Variants in KLF12 observed in about 807,000 individuals in gnomAD.
The protein encoded by KLF12 is Krueppel-like factor 12.
Under a neutral mutation model 37.8 loss-of-function variants are expected in KLF12, and 9 were observed. The ratio of observed to expected loss-of-function variants is 0.24; its 90% CI spans 0.14 to 0.42. The LOEUF (loss-of-function observed/expected upper bound fraction) is 0.42, where lower values mean the gene tolerates loss of function less well. Among genes scored for constraint, KLF12 ranks in the 10% least tolerant of loss-of-function variants. KLF12 has a pLI of 1.00. For synonymous variants in KLF12, 208 were observed against 202.1 expected (o/e 1.03, Z -0.25); for missense variants, 411 against 516.0 (o/e 0.80, Z 1.97).
chr13:73,794,610 T>C (rs1175342817), intron 5 of KLF12, among the ~76,000 whole-genome samples: 2 of 152,226 alleles, frequency 1.3e-5, no homozygotes. Context: ...GCCTGTTATC[T>C]GACAATATTC....
chr13:73,714,542 G>A (rs183730736), intron 7 of KLF12, among the ~76,000 whole-genome samples: 242 of 152,202 alleles, frequency 1.6e-3, no homozygotes, highest in African/African-American at 5.1e-3. Flanking sequence ...CTGCTCTATC[G>A]GCTTCTTTGG....
the KLF12 span, among the ~76,000 whole-genome samples, chr13:74,195,037 A>G: frequency 6.6e-6 from 1 of 152,192 alleles, no homozygotes; most frequent in African/African-American, 2.4e-5. Flanking sequence ...CGCGGAAAGC[A>G]GACTGAACAG....
chr13:74,010,450 T>C (rs931140460), intron 1 of KLF12, among the ~76,000 whole-genome samples: 2 of 152,166 alleles, frequency 1.3e-5, no homozygotes, highest in African/African-American at 4.8e-5. Flanking sequence ...TGTGGCATGC[T>C]ACACCCTACA....
At chr13:73,773,058 T>C (rs1880370678) in intron 5 of KLF12, among the ~76,000 whole-genome samples, 3 of 152,184 alleles carry the variant, frequency 2.0e-5, no homozygotes, top group Non-Finnish European at 4.4e-5. Context: ...AGGAGGATCA[T>C]GTTTCTGGAT....
At chr13:74,188,335 T>A in the KLF12 span, among the ~76,000 whole-genome samples, 1 of 152,178 alleles carries the variant, frequency 6.6e-6, no homozygotes, top group Non-Finnish European at 1.5e-5. Flanking sequence ...TTATGTCACC[T>A]AGGCTGTACA....
intron 2 of KLF12, among the ~76,000 whole-genome samples, chr13:73,968,814 T>A (rs184791506): frequency 4.6e-5 from 7 of 152,202 alleles, no homozygotes; most frequent in Middle Eastern, 6.8e-3. Context: ...CAAGTCCACT[T>A]CTCTTCTCCC....
chr13:74,157,471 G>T, the KLF12 span, among the ~76,000 whole-genome samples: 3 of 152,178 alleles, frequency 2.0e-5, no homozygotes, highest in Non-Finnish European at 4.4e-5. Context: ...AGACTTAACG[G>T]TTTAACTTTG....
At chr13:73,805,160 T>C (rs536741590) in intron 5 of KLF12, among the ~76,000 whole-genome samples, 34 of 152,300 alleles carry the variant, frequency 2.2e-4, no homozygotes, top group African/African-American at 7.9e-4. Flanking sequence ...AATAGTAAAG[T>C]TTATCCAAAA....
intron 1 of KLF12, among the ~76,000 whole-genome samples, chr13:74,015,765 G>C (rs1892672639): frequency 6.6e-6 from 1 of 152,114 alleles, no homozygotes; most frequent in Non-Finnish European, 1.5e-5. Flanking sequence ...TTCTTCCCAA[G>C]GTAGGTCTTA....
chr13:73,971,468 C>T (rs1891336876), intron 2 of KLF12, among the ~76,000 whole-genome samples: 2 of 152,058 alleles, frequency 1.3e-5, no homozygotes, highest in South Asian at 2.1e-4. Context: ...TAATTTATTT[C>T]GGCTATATCA....
chr13:74,072,030 A>C (rs960826225), intron 1 of KLF12, among the ~76,000 whole-genome samples: 2 of 152,120 alleles, frequency 1.3e-5, no homozygotes, highest in Non-Finnish European at 2.9e-5. Context: ...ACTATATAGA[A>C]TACTGGGGTA....
rs1873717527 is a variant in KLF12 at position 73,689,857 on chromosome 13, A to C, written c.*5633T>G. 6.6e-6 allele frequency: 1 copy of C among 152,232 alleles called. No homozygotes were observed. Among genetic ancestry groups the C allele is most frequent in the Non-Finnish European group, 1.5e-5 (1 of 68,038 alleles). The allele number at this position is 152,232 out of a possible 1,614,324, so 9.4% of individuals were successfully genotyped here. A position where few individuals can be genotyped will look rare whatever the true frequency, so the allele number is the denominator to read the frequency against. ...ATAAATTGGTGTTTTTAACTGAGCA[A>C]AACTTTTTGAATCATACATACTGTT... On this transcript the variant is annotated 3_prime_UTR_variant, in exon 8 of 8. Coordinates refer to ENST00000377669, the MANE Select transcript of KLF12 (RefSeq NM_007249.5).
chr13:73,856,274 C>T (rs372618491), intron 3 of KLF12, among the ~76,000 whole-genome samples: 20 of 152,196 alleles, frequency 1.3e-4, no homozygotes, highest in East Asian at 1.2e-3. Flanking sequence ...GTTACAGTGA[C>T]ACGAAGACCC....
At position 73,808,764 on chromosome 13, in the gene KLF12, A is replaced by T. The variant is rs373064002; in HGVS notation, c.806+4388T>A. Among the ~76,000 whole-genome samples the T allele has an allele frequency of 1.1e-4, 16 of 152,336 alleles. 1 individual carries two copies. The highest frequency in any genetic ancestry group is 3.8e-4 in the African/African-American group (16 of 41,580). Reference sequence around the variant, plus strand: ...CCAAATTAAAAATCCAAACTTGAACAGTTATTGCATGAGGCAAGACTATGA... The same window carrying T: ...CCAAATTAAAAATCCAAACTTGAACTGTTATTGCATGAGGCAAGACTATGA... On this transcript the variant is annotated intron_variant, in intron 5 of 7. Transcript: ENST00000377669.
At chr13:73,735,763 A>G (rs1427424242) in intron 6 of KLF12, among the ~76,000 whole-genome samples, 1 of 152,162 alleles carries the variant, frequency 6.6e-6, no homozygotes, top group Non-Finnish European at 1.5e-5. Flanking sequence ...AGTATTATGT[A>G]TTTAATCTGC....
At chr13:73,757,320 C>A (rs560159349) in intron 6 of KLF12, among the ~76,000 whole-genome samples, 2 of 152,212 alleles carry the variant, frequency 1.3e-5, no homozygotes, top group African/African-American at 4.8e-5. Context: ...TGGTTTAAAT[C>A]TTTTTTATAA....
intron 2 of KLF12, among the ~76,000 whole-genome samples, chr13:73,981,089 A>T (rs1566492293): frequency 6.6e-6 from 1 of 152,122 alleles, no homozygotes; most frequent in Non-Finnish European, 1.5e-5. Context: ...GAGCCAGGGC[A>T]GTTGAGGCTA....
the KLF12 span, among the ~76,000 whole-genome samples, chr13:74,284,070 G>T: frequency 6.6e-6 from 1 of 152,006 alleles, no homozygotes; most frequent in African/African-American, 2.4e-5. Flanking sequence ...TGTTAGCCAG[G>T]ATGGTCTGGA....
intron 1 of KLF12, among the ~76,000 whole-genome samples, chr13:74,052,100 A>G (rs1006921504): frequency 6.6e-6 from 1 of 152,198 alleles, no homozygotes; most frequent in Non-Finnish European, 1.5e-5. Context: ...TTCAAGGTGT[A>G]TGACTTAAAT....
Sources: allele counts gnomAD v4.1 joint callset (sites outside exome capture counted in the v4.1 genomes callset), GRCh38; gene constraint gnomAD v4.1.1; transcripts MANE v1.5; gene names NCBI Gene and HGNC (gene_info 2026-07-23, HGNC 2026-07-21).